Variants in CNBD1 observed in about 807,000 individuals in gnomAD.
CNBD1 encodes cyclic nucleotide-binding domain-containing protein 1.
A neutral mutation model predicts 54.4 loss-of-function variants in CNBD1; 71 were observed. That is an observed-to-expected ratio of 1.30 (90% confidence interval 1.08 to 1.59). CNBD1 has a LOEUF of 1.59. Among genes scored for constraint, CNBD1 ranks in the 40% most tolerant of loss-of-function variants. CNBD1 has a pLI of 0.00. For missense variants in CNBD1, 659 were observed against 518.0 expected (o/e 1.27, Z -2.64); for synonymous variants, 182 against 170.7 (o/e 1.07, Z -0.51).
At chr8:87,323,010 G>C (rs1309392756) in intron 8 of CNBD1, among the ~76,000 whole-genome samples, 1 of 67,230 alleles carries the variant, frequency 1.5e-5, no homozygotes, top group South Asian at 5.1e-4. Flanking sequence ...TCCAGTTTCA[G>C]CTTTCTACAT....
At chr8:87,179,856 T>C (rs528490123) in intron 4 of CNBD1, among the ~76,000 whole-genome samples, 1 of 152,316 alleles carries the variant, frequency 6.6e-6, no homozygotes, top group East Asian at 1.9e-4. Context: ...CATACATTAA[T>C]CAGTATGTCA....
At chr8:87,153,652 G>A (rs945768164) in intron 4 of CNBD1, among the ~76,000 whole-genome samples, 1 of 152,146 alleles carries the variant, frequency 6.6e-6, no homozygotes, top group African/African-American at 2.4e-5. Flanking sequence ...ATAACTAATT[G>A]TTTATCCATT....
intron 4 of CNBD1, among the ~76,000 whole-genome samples, chr8:87,007,643 A>C (rs1268167780): frequency 2.0e-5 from 3 of 152,142 alleles, no homozygotes; most frequent in Non-Finnish European, 4.4e-5. Context: ...TCAGCAGATG[A>C]AATTAAGTCA....
intron 4 of CNBD1, among the ~76,000 whole-genome samples, chr8:87,042,468 G>A (rs934523140): frequency 2.6e-5 from 4 of 152,162 alleles, no homozygotes; most frequent in Non-Finnish European, 5.9e-5. Context: ...CTGTGAGTAT[G>A]AATTGATTGC....
intron 4 of CNBD1, among the ~76,000 whole-genome samples, chr8:87,008,494 A>C (rs1809149214): frequency 6.6e-6 from 1 of 152,152 alleles, no homozygotes; most frequent in African/African-American, 2.4e-5. Context: ...TTATCCAGTA[A>C]AAGTTAGTTT....
intron 8 of CNBD1, among the ~76,000 whole-genome samples, chr8:87,321,826 A>G (rs1354608790): frequency 2.2e-5 from 3 of 135,046 alleles, no homozygotes; most frequent in Non-Finnish European, 4.8e-5. Flanking sequence ...TTTATACTTT[A>G]AGTTTTAGGG....
rs1812890577 is a variant in CNBD1, at chr8:87,163,085, G to A, written c.432-42908G>A. ...CCTTCACCACATACCAAAGTACACA[G>A]TCTTAGGTATTAATATTTTGTTATA... On this transcript the variant is annotated intron_variant, in intron 4 of 10. Coordinates refer to ENST00000518476, the MANE Select transcript of CNBD1 (RefSeq NM_173538.3). The surrounding 1 kb of genome is among the most constrained non-coding windows in gnomAD (Gnocchi z 4.5). Among the ~76,000 whole-genome samples, 1 of 152,008 alleles carries A rather than the reference G, an allele frequency of 6.6e-6. No individual in the cohort carries two copies.
intron 5 of CNBD1, among the ~76,000 whole-genome samples, chr8:87,226,294 G>T (rs1411870260): frequency 6.6e-6 from 1 of 150,576 alleles, no homozygotes; most frequent in Non-Finnish European, 1.5e-5. Context: ...TTTTGAATGT[G>T]TTTGCTCGTG....
At chr8:87,199,910 G>A (rs1813818447) in intron 4 of CNBD1, among the ~76,000 whole-genome samples, 1 of 152,120 alleles carries the variant, frequency 6.6e-6, no homozygotes, top group Non-Finnish European at 1.5e-5. Context: ...GTGGCTCTCA[G>A]ATGCTGTTAA....
chr8:87,267,064 GA>G (rs1403715406), intron 6 of CNBD1, among the ~76,000 whole-genome samples: 1 of 152,054 alleles, frequency 6.6e-6, no homozygotes, highest in East Asian at 1.9e-4. Flanking sequence ...CTAAGTAAAT[GA>G]AAAGACAAGG....
intron 8 of CNBD1, among the ~76,000 whole-genome samples, chr8:87,303,425 G>T (rs906278476): frequency 9.6e-4 from 146 of 151,784 alleles, no homozygotes; most frequent in Admixed American, 1.9e-3. Context: ...GGGAAAACTG[G>T]CTAGCCATAT....
At chr8:86,908,919 A>G (rs1315152948) in intron 3 of CNBD1, among the ~76,000 whole-genome samples, 1 of 151,534 alleles carries the variant, frequency 6.6e-6, no homozygotes, top group Non-Finnish European at 1.5e-5. Context: ...CACTACGCCC[A>G]GCTAATTTTT....
rs146094680 is a variant in CNBD1, at chr8:87,242,991, A to G, written c.771+5879A>G. 3.2e-3 allele frequency among the ~76,000 whole-genome samples: 486 copies of G among 152,354 alleles called. 6 individuals are homozygous for G. The highest frequency in any genetic ancestry group is 0.011 in the African/African-American group (456 of 41,594). On this transcript the variant is annotated intron_variant, in intron 6 of 10. Coordinates refer to ENST00000518476, the MANE Select transcript of CNBD1 (RefSeq NM_173538.3). ...GTGGTAAAATCAACCTGCTGCCAGT[A>G]TGTATATTTCCTTAATTTACAGTAA...
In CNBD1 at chr8:86,973,463, CATT is replaced by C. The variant is rs566073612; in HGVS notation, c.431+33710_431+33712del. ...AAAGGATGTGGCCTTGTCTTTTCAT[CATT>C]GTTTTTGCCATGGCTTACATATAAT... On this transcript the variant is annotated intron_variant, in intron 4 of 10. Coordinates refer to ENST00000518476, the MANE Select transcript of CNBD1 (RefSeq NM_173538.3). Among the ~76,000 whole-genome samples, 712 of 152,222 alleles carry C rather than the reference CATT, an allele frequency of 4.7e-3. 7 individuals carry two copies. Among genetic ancestry groups the C allele is most frequent in the African/African-American group, 0.016 (685 of 41,534 alleles).
chr8:87,247,887 G>A (rs1387434484), intron 6 of CNBD1, among the ~76,000 whole-genome samples: 6 of 152,158 alleles, frequency 3.9e-5, no homozygotes, highest in Non-Finnish European at 8.8e-5. Context: ...TTTTCAGCTA[G>A]CCACAATTTC....
At chr8:87,328,793 A>T (rs961459840) in intron 8 of CNBD1, among the ~76,000 whole-genome samples, 1 of 151,982 alleles carries the variant, frequency 6.6e-6, no homozygotes. Context: ...AATGTTTTAT[A>T]TTTTTCAGTG....
intron 4 of CNBD1, among the ~76,000 whole-genome samples, chr8:87,075,639 A>G (rs550676331): frequency 2.0e-5 from 3 of 152,124 alleles, no homozygotes; most frequent in Admixed American, 1.3e-4. Flanking sequence ...TTGAGCTTCT[A>G]TCTCTTTGGC....
At chr8:86,928,928 C>G (rs1274469684) in intron 3 of CNBD1, among the ~76,000 whole-genome samples, 2 of 152,166 alleles carry the variant, frequency 1.3e-5, no homozygotes, top group Non-Finnish European at 2.9e-5. Context: ...GTACCTTACT[C>G]TCTTCTGTCA....
intron 6 of CNBD1, among the ~76,000 whole-genome samples, chr8:87,271,183 G>A (rs1187474269): frequency 6.6e-6 from 1 of 150,942 alleles, no homozygotes; most frequent in Non-Finnish European, 1.5e-5. Flanking sequence ...TCCAGCTGAA[G>A]GTTTCTCTAC....
Sources: gnomAD v4.1 joint callset for allele counts (sites outside exome capture counted in the v4.1 genomes callset) on GRCh38, gnomAD v4.1.1 for gene constraint, Gnocchi (gnomAD v3.1) non-coding constraint, MANE v1.5 for transcripts, NCBI Gene and HGNC (gene_info 2026-07-23, HGNC 2026-07-21) for gene names.